TOMM20: variants seen among roughly 807,000 people sequenced by gnomAD.
The protein encoded by TOMM20 is mitochondrial import receptor subunit TOM20 homolog.
In TOMM20, 10 loss-of-function variants were observed where a neutral mutation model predicts 22.1. That is an observed-to-expected ratio of 0.45 (90% confidence interval 0.28 to 0.77). TOMM20 has a LOEUF of 0.77. Among genes scored for constraint, TOMM20 ranks in the 30% least tolerant of loss-of-function variants. The pLI is 0.13. For missense variants in TOMM20, 121 were observed against 172.2 expected (o/e 0.70, Z 1.66); for synonymous variants, 55 against 61.4 (o/e 0.90, Z 0.49).
At chr1:235,113,936 G>A (rs772954537) in intron 3 of TOMM20, 26 bp from the exon 4 acceptor site, 26 of 1,545,306 alleles carry the variant, frequency 1.7e-5, no homozygotes, top group African/African-American at 2.7e-5. Context: ...AAAATTACAT[G>A]TAACCTGAAA....
intron 2 of TOMM20, among the ~76,000 whole-genome samples, chr1:235,120,224 A>G (rs548807813): frequency 1.3e-5 from 2 of 152,336 alleles, no homozygotes; most frequent in East Asian, 3.9e-4. Flanking sequence ...TACAACTGTA[A>G]GCAATTTGTC....
At chr1:235,115,565 T>G (rs568874248) in intron 3 of TOMM20, among the ~76,000 whole-genome samples, 2 of 152,224 alleles carry the variant, frequency 1.3e-5, no homozygotes, top group Non-Finnish European at 2.9e-5. Context: ...AGGCGAAGCT[T>G]GCAGTGAGCC....
chr1:235,127,844 C>G, intron 1 of TOMM20: 1 of 519,116 alleles, frequency 1.9e-6, no homozygotes, highest in South Asian at 1.4e-5. Context: ...ACGGGAGAAG[C>G]GCAGCCCTTT....
intron 1 of TOMM20, among the ~76,000 whole-genome samples, chr1:235,123,678 G>C (rs1282716604): frequency 6.6e-6 from 1 of 152,212 alleles, no homozygotes; most frequent in Non-Finnish European, 1.5e-5. Flanking sequence ...ATGCATTAAA[G>C]TTGATCTTAT....
chr1:235,112,141 T>TCC lies in TOMM20; in HGVS notation c.394-34_394-33insGG, dbSNP rs541905425. The TCC allele has an allele frequency of 7.0e-3, 10,676 of 1,520,512 alleles. 40 individuals carry two copies. Among genetic ancestry groups the TCC allele is most frequent in the Non-Finnish European group, 8.9e-3 (9,941 of 1,117,504 alleles). The allele number at this position is 1,520,512 out of a possible 1,614,324, so 94.2% of individuals were successfully genotyped here. On this transcript the variant is annotated intron_variant, in intron 4 of 4. Coordinates refer to ENST00000366607, the MANE Select transcript of TOMM20 (RefSeq NM_014765.3). Reference sequence around the variant, plus strand: ...AAAAAAAAAATAATTTTTTAAAGTGTCATAAGCATTTAATTAGGATTCTAA... The same window carrying TCC: ...AAAAAAAAAATAATTTTTTAAAGTGTCCCATAAGCATTTAATTAGGATTCTAA...
At chr1:235,117,134 C>CAAAAA (rs869235889) in intron 3 of TOMM20, among the ~76,000 whole-genome samples, 4 of 30,390 alleles carry the variant, frequency 1.3e-4, no homozygotes, top group East Asian at 1.5e-3. Context: ...GACTCCATCT[C>CAAAAA]AAAAAAAAAA....
chr1:235,124,061 T>C (rs1045355995), intron 1 of TOMM20, among the ~76,000 whole-genome samples: 5 of 152,204 alleles, frequency 3.3e-5, no homozygotes, highest in African/African-American at 1.2e-4. Context: ...ATTAAAAGAA[T>C]TACAGCTGGG....
chr1:235,128,760 A>C lies in TOMM20; in HGVS notation c.-45T>G, dbSNP rs1661083004. 2 of 1,611,598 alleles carry C rather than the reference A, an allele frequency of 1.2e-6. No homozygotes were observed. The highest frequency in any genetic ancestry group is 1.7e-6 in the Non-Finnish European group (2 of 1,179,182). ...GTGGACGGTGGCGGCAGGGACCGCG[A>C]AGGAGCGGTGGGCCACGAACCCTCA... is the stretch of plus-strand genomic sequence containing the variant. On this transcript the variant is annotated 5_prime_UTR_variant, in exon 1 of 5. Coordinates refer to ENST00000366607, the MANE Select transcript of TOMM20 (RefSeq NM_014765.3).
At chr1:235,113,108 G>C (rs923418693) in intron 4 of TOMM20, among the ~76,000 whole-genome samples, 2 of 152,170 alleles carry the variant, frequency 1.3e-5, no homozygotes, top group Admixed American at 1.3e-4. Context: ...ATCAACACTT[G>C]TAACAGACAC....
chr1:235,123,165 C>T (rs1660955450), intron 1 of TOMM20, among the ~76,000 whole-genome samples: 2 of 152,170 alleles, frequency 1.3e-5, no homozygotes, highest in South Asian at 2.1e-4. Context: ...TTAAAGCACT[C>T]TACAAATCCA....
At chr1:235,123,995 C>A (rs1396511992) in intron 1 of TOMM20, among the ~76,000 whole-genome samples, 4 of 152,240 alleles carry the variant, frequency 2.6e-5, no homozygotes, top group African/African-American at 7.2e-5. Context: ...GTTTTAGATG[C>A]TACATGCGAG....
rs550527914 is a variant in TOMM20, at chr1:235,127,604, T to C, written c.121+991A>G. ...TAAGTAAACAATAATCCCTTCTTTGTACCCCTTGGGCTTTAGTAACTTACG... is the reference window on the plus strand; with the variant it reads ...TAAGTAAACAATAATCCCTTCTTTGCACCCCTTGGGCTTTAGTAACTTACG... On this transcript the variant is annotated intron_variant, in intron 1 of 4. Transcript: ENST00000366607. 5.3e-5 allele frequency among the ~76,000 whole-genome samples: 8 copies of C among 152,326 alleles called. No individual in the cohort carries two copies. The South Asian group carries it at 6.2e-4, about 12-fold the overall frequency.
rs776206458 is a variant in TOMM20, at chr1:235,119,908, A to C, written c.169-9T>G. ...TCTTTAAGGTCAGGTAACTGGAAAT[A>C]AAATATTTAATAAATGACACCACAA... On this transcript the variant is annotated splice_polypyrimidine_tract_variant and intron_variant, in intron 2 of 4. Coordinates refer to ENST00000366607, the MANE Select transcript of TOMM20 (RefSeq NM_014765.3). The C allele has an allele frequency of 1.3e-6, 2 of 1,590,638 alleles. No individual in the cohort carries two copies. The highest frequency in any genetic ancestry group is 1.1e-5 in the South Asian group (1 of 89,898).
rs879026547 is a variant in TOMM20 at position 235,119,915 on chromosome 1, T to C, written c.169-16A>G. ...GGTCAGGTAACTGGAAATAAAATAT[T>C]TAATAAATGACACCACAATTATGCC... On this transcript the variant is annotated splice_polypyrimidine_tract_variant and intron_variant, in intron 2 of 4. Transcript: ENST00000366607. 4 of 1,565,264 alleles carry C rather than the reference T, an allele frequency of 2.6e-6. No homozygotes were observed. In the Admixed American group the frequency reaches 6.8e-5, roughly 27 times the overall value.
intron 3 of TOMM20, among the ~76,000 whole-genome samples, chr1:235,115,657 TAAC>T (rs1660816245): frequency 1.3e-5 from 2 of 152,018 alleles, no homozygotes; most frequent in Admixed American, 1.3e-4. Context: ...AAAAAAATAA[TAAC>T]AATACAAGTA....
chr1:235,126,750 A>T (rs1040934678), intron 1 of TOMM20, among the ~76,000 whole-genome samples: 1 of 152,188 alleles, frequency 6.6e-6, no homozygotes. Context: ...CAATGATCCG[A>T]GATCACCCCA....
At chr1:235,122,223 TCA>T (rs1660941931) in intron 2 of TOMM20, 101 bp downstream of exon 2, 20 of 1,039,130 alleles carry the variant, frequency 1.9e-5, no homozygotes, top group Non-Finnish European at 2.7e-5. Flanking sequence ...ATGTCCAGTA[TCA>T]ACTAGCTTTT....
At chr1:235,123,346 A>G (rs898505985) in intron 1 of TOMM20, among the ~76,000 whole-genome samples, 2 of 152,104 alleles carry the variant, frequency 1.3e-5, no homozygotes, top group African/African-American at 4.8e-5. Context: ...TTAGCCGGGC[A>G]TGGTGGCGGG....
chr1:235,113,623 A>G, intron 4 of TOMM20, 145 bp downstream of exon 4: 1 of 1,065,854 alleles, frequency 9.4e-7, no homozygotes, highest in Admixed American at 3.3e-5. Flanking sequence ...AGAGAGGAAA[A>G]TGTCAAGCGC....
Sources: gnomAD v4.1 joint callset for allele counts (sites outside exome capture counted in the v4.1 genomes callset) on GRCh38, gnomAD v4.1.1 for gene constraint, MANE v1.5 for transcripts, NCBI Gene and HGNC (gene_info 2026-07-23, HGNC 2026-07-21) for gene names.